Variants in ZNF808 observed in about 807,000 individuals in gnomAD.
ZNF808 encodes the protein zinc finger protein 808.
In ZNF808, 5 loss-of-function variants were observed where a neutral mutation model predicts 8.7. The observed-to-expected ratio is 0.58, with a 90% confidence interval of 0.30 to 1.21. The LOEUF (loss-of-function observed/expected upper bound fraction) is 1.21. ZNF808 is among the 50% of genes most tolerant of loss of function. The pLI is 0.07. For missense variants in ZNF808, 1,103 were observed against 1,098.4 expected (o/e 1.00, Z -0.06); for synonymous variants, 380 against 366.0 (o/e 1.04, Z -0.44).
At chr19:52,532,579 T>C (rs1437949966) in intron 1 of ZNF808, among the ~76,000 whole-genome samples, 1 of 152,202 alleles carries the variant, frequency 6.6e-6, no homozygotes, top group Non-Finnish European at 1.5e-5. Flanking sequence ...ATACTTTTCA[T>C]TGATGTGACA....
At chr19:52,545,363 A>C in intron 3 of ZNF808, among the ~76,000 whole-genome samples, 1 of 152,212 alleles carries the variant, frequency 6.6e-6, no homozygotes. Flanking sequence ...GCATGAATAC[A>C]TGGGTGGATA....
At chr19:52,538,977 C>T (rs1199449245) in intron 2 of ZNF808, among the ~76,000 whole-genome samples, 2 of 151,966 alleles carry the variant, frequency 1.3e-5, no homozygotes, top group African/African-American at 4.8e-5. Flanking sequence ...CCTCTGCAAC[C>T]CCTCTTCAGC....
chr19:52,556,125 A>T lies in ZNF808; in HGVS notation c.*497A>T. ...CATTGACTTGAGTTTGTGTTGACTT[A>T]ACATTGAGTTCAAGCCTTAATTGAC... On this transcript the variant is annotated 3_prime_UTR_variant, in exon 5 of 5. Transcript: ENST00000359798. 1 of 394,590 alleles carries T rather than the reference A, an allele frequency of 2.5e-6. No individual in the cohort carries two copies. The highest frequency in any genetic ancestry group is 5.1e-6 in the Non-Finnish European group (1 of 195,282). 24.4% of individuals were successfully genotyped at this position (394,590 alleles called of 1,614,324 possible).
At chr19:52,560,420 A>G (rs1396313143), downstream of ZNF808, among the ~76,000 whole-genome samples, 1 of 152,148 alleles carries the variant, frequency 6.6e-6, no homozygotes, top group Non-Finnish European at 1.5e-5. Flanking sequence ...TTTCACAGAC[A>G]CATCTCTTCA....
In ZNF808 at chr19:52,555,419, T is replaced by G. The variant is rs780808258; in HGVS notation, c.2503T>G (p.Ser835Ala). 6.2e-7 allele frequency: 1 copy of G among 1,614,028 alleles called. No individual in the cohort carries two copies. Among genetic ancestry groups the G allele is most frequent in the Non-Finnish European group, 8.5e-7 (1 of 1,179,948 alleles). Reference sequence around the variant, plus strand: ...GGCTTTTAATGAACAATCACACCTTTCACGTCATCATAGAATTCATACTGG... The same window carrying G: ...GGCTTTTAATGAACAATCACACCTTGCACGTCATCATAGAATTCATACTGG... ...GKAFNEQSHL[S>A]RHHRIHTGEK... The change falls in exon 5 of 5, where the codon TCA (serine) becomes GCA (alanine). Residue 835 changes from serine to alanine, a missense_variant. Coordinates refer to ENST00000359798, the MANE Select transcript of ZNF808 (RefSeq NM_001039886.4).
chr19:52,558,087 C>CTT (rs11410246), downstream of ZNF808, among the ~76,000 whole-genome samples: 25 of 44,310 alleles, frequency 5.6e-4, no homozygotes, highest in African/African-American at 1.4e-3. Context: ...TTCTTTCTTT[C>CTT]TTTTTTTTTT....
At position 52,540,231 on chromosome 19, in the gene ZNF808, C is replaced by T. The variant is rs542207649; in HGVS notation, c.-19-3035C>T. 2.7e-4 allele frequency among the ~76,000 whole-genome samples: 41 copies of T among 152,042 alleles called. 1 individual carries two copies. The South Asian group carries it at 5.4e-3, about 20-fold the overall frequency. On this transcript the variant is annotated intron_variant, in intron 2 of 4. Coordinates refer to ENST00000359798, the MANE Select transcript of ZNF808 (RefSeq NM_001039886.4). Reference sequence around the variant, plus strand: ...TTCTCCATATTGGCCAGGCTGGTCTCGAACCCCTAACATTGTGGTCTTCCT... The same window carrying T: ...TTCTCCATATTGGCCAGGCTGGTCTTGAACCCCTAACATTGTGGTCTTCCT...
At chr19:52,534,413 TTC>T (rs2059586581) in intron 2 of ZNF808, among the ~76,000 whole-genome samples, 1 of 152,302 alleles carries the variant, frequency 6.6e-6, no homozygotes, top group East Asian at 1.9e-4. Context: ...TGAAGTTTCT[TTC>T]TCTCTTTTCA....
intron 2 of ZNF808, among the ~76,000 whole-genome samples, chr19:52,535,556 C>G (rs144005577): frequency 0.013 from 1,913 of 152,182 alleles, 19 homozygotes; most frequent in Middle Eastern, 0.02. Context: ...CTCACTCCTC[C>G]CTGGCCTGAG....
downstream of ZNF808, among the ~76,000 whole-genome samples, chr19:52,561,162 C>G (rs28400361): frequency 1.2e-5 from 1 of 85,716 alleles, no homozygotes; most frequent in Admixed American, 1.3e-4. Flanking sequence ...TATCTGTTCT[C>G]TCTCTCTCTC....
downstream of ZNF808, among the ~76,000 whole-genome samples, chr19:52,560,020 T>A (rs1448463261): frequency 6.6e-6 from 1 of 152,236 alleles, no homozygotes; most frequent in Non-Finnish European, 1.5e-5. Flanking sequence ...TCATTTTTGT[T>A]AACTATCACA....
At chr19:52,543,239 T>A (rs1463320389) in intron 2 of ZNF808, 27 bp from the exon 3 acceptor site, 4 of 1,608,106 alleles carry the variant, frequency 2.5e-6, no homozygotes, top group Non-Finnish European at 3.4e-6. Context: ...ATTTCTAACA[T>A]GAAGTCTTAT....
chr19:52,530,068 C>A (rs942860035), intron 1 of ZNF808, among the ~76,000 whole-genome samples: 8 of 151,810 alleles, frequency 5.3e-5, no homozygotes, highest in African/African-American at 7.3e-5. Context: ...ATAGCCCCCC[C>A]CTTTTTTTTG....
chr19:52,544,267 G>A (rs1393481606), intron 3 of ZNF808, among the ~76,000 whole-genome samples: 3 of 152,190 alleles, frequency 2.0e-5, no homozygotes, highest in East Asian at 3.9e-4. Context: ...TCAACTAATC[G>A]CTACTGTAGC....
chr19:52,561,091 C>G (rs998762757), downstream of ZNF808, among the ~76,000 whole-genome samples: 1 of 151,822 alleles, frequency 6.6e-6, no homozygotes, highest in East Asian at 1.9e-4. Flanking sequence ...GAACCACTGT[C>G]AGCAGCGCAG....
At chr19:52,531,056 G>A (rs1405508895) in intron 1 of ZNF808, among the ~76,000 whole-genome samples, 1 of 152,206 alleles carries the variant, frequency 6.6e-6, no homozygotes, top group East Asian at 1.9e-4. Context: ...GGCTGAAGCA[G>A]GAGAATCTCT....
At chr19:52,562,856 C>G (rs1805209637) in intron 3 of ZNF808, among the ~76,000 whole-genome samples, 1 of 152,102 alleles carries the variant, frequency 6.6e-6, no homozygotes, top group African/African-American at 2.4e-5. Flanking sequence ...TCACTGCAAC[C>G]TACGCCTCCT....
intron 1 of ZNF808, among the ~76,000 whole-genome samples, chr19:52,528,647 A>C (rs2059532767): frequency 6.6e-6 from 1 of 151,936 alleles, no homozygotes; most frequent in Non-Finnish European, 1.5e-5. Flanking sequence ...GGAGAGAGGG[A>C]GGGATTTGGA....
At chr19:52,546,180 T>C (rs1017407036) in intron 3 of ZNF808, among the ~76,000 whole-genome samples, 63 of 138,558 alleles carry the variant, frequency 4.5e-4, no homozygotes, top group Admixed American at 2.5e-4. Flanking sequence ...ATTGCTGTCA[T>C]CATAACAGTT....
Sources: gnomAD v4.1 joint callset for allele counts (sites outside exome capture counted in the v4.1 genomes callset) on GRCh38, gnomAD v4.1.1 for gene constraint, MANE v1.5 for transcripts, NCBI Gene and HGNC (gene_info 2026-07-23, HGNC 2026-07-21) for gene names.